ADCY6: variants seen among roughly 807,000 people sequenced by gnomAD.
ADCY6 encodes the protein adenylate cyclase type 6.
In ADCY6, 59 loss-of-function variants were observed where a neutral mutation model predicts 111.6. The observed-to-expected ratio is 0.53, with a 90% CI of 0.43 to 0.66. The LOEUF (loss-of-function observed/expected upper bound fraction) is 0.66. Among genes scored for constraint, ADCY6 ranks in the 30% least tolerant of loss-of-function variants. The pLI, the probability that ADCY6 is intolerant of heterozygous loss-of-function variation, is 0.00. For missense variants in ADCY6, 1,242 were observed against 1,595.6 expected, an observed-to-expected ratio of 0.78 and a Z score of 3.78; for synonymous variants, 576 against 642.9, an observed-to-expected ratio of 0.90 and a Z score of 1.57.
Position 48,782,907 on chromosome 12 carries a change from AGGGC to A in ADCY6, c.524_527del (p.Arg175LeufsTer36), listed in dbSNP as rs1186772196. 1 of 1,613,640 alleles carries A rather than the reference AGGGC, an allele frequency of 6.2e-7. No individual in the cohort carries two copies. Among genetic ancestry groups the A allele is most frequent in the Non-Finnish European group, 8.5e-7 (1 of 1,179,934 alleles). On this transcript the variant is annotated frameshift_variant, in exon 2 of 22. Coordinates refer to ENST00000357869, the MANE Select transcript of ADCY6 (RefSeq NM_015270.5). LOFTEE classifies it high-confidence loss of function. The surrounding 1 kb of genome is among the most constrained non-coding windows in gnomAD (Gnocchi z 4.3). ...CCAACAGTGCCACATAGGCAGGCTG[AGGGC>A]GGGCGGGTGCGGCGTGGAAAGCCAG...
rs188238180 is a variant in ADCY6, at chr12:48,777,280, A to T, written c.1249-49T>A. The T allele has an allele frequency of 3.4e-4, 538 of 1,595,668 alleles. 3 individuals are homozygous for T. In the African/African-American group the frequency reaches 6.4e-3, roughly 19 times the overall value. ...AAGGGTAACCTTTACTCTCTTGCCC[A>T]CCCAGCCTGCATGGCCCACCACCCT... On this transcript the variant is annotated intron_variant, in intron 5 of 21. Coordinates refer to ENST00000357869, the MANE Select transcript of ADCY6 (RefSeq NM_015270.5). The surrounding 1 kb of genome is among the most constrained non-coding windows in gnomAD (Gnocchi z 4.9).
intron 2 of ADCY6, among the ~76,000 whole-genome samples, chr12:48,778,867 AAC>A (rs1941773903): frequency 7.0e-6 from 1 of 142,128 alleles, no homozygotes; most frequent in Non-Finnish European, 1.5e-5. Flanking sequence ...TACACTGAAT[AAC>A]ACATTTTTTT....
intron 9 of ADCY6, 85 bp from the exon 10 acceptor site, chr12:48,775,783 C>G: frequency 6.5e-7 from 1 of 1,543,304 alleles, no homozygotes; most frequent in Non-Finnish European, 8.9e-7. Flanking sequence ...CAACACTGTG[C>G]TGAGGGTGTC....
In ADCY6 at chr12:48,770,918, C is replaced by T. The variant is rs1461200706; in HGVS notation, c.3104G>A (p.Ser1035Asn). Residue 1035 changes from serine to asparagine, a missense_variant, in exon 20 of 22, where the codon AGC becomes AAC. Transcript: ENST00000357869. ...CAGCCCTGAGGCAGCCATGTAGGTG[C>T]TACCAATCGTCTTGATCTTTTCCAG... ...RQLEKIKTIG[S>N]TYMAASGLNA... The T allele has an allele frequency of 1.9e-6, 3 of 1,614,102 alleles. No homozygotes were observed. The highest frequency in any genetic ancestry group is 2.5e-6 in the Non-Finnish European group (3 of 1,180,052).
At chr12:48,783,616 A>G in intron 1 of ADCY6, 178 bp from the exon 2 acceptor site, 6 of 1,398,154 alleles carry the variant, frequency 4.3e-6, no homozygotes, top group Non-Finnish European at 5.6e-6. Flanking sequence ...TCCCCAATCA[A>G]CAGGTGAGAA....
At position 48,776,323 on chromosome 12, in the gene ADCY6, C is replaced by T. The variant is rs1368648170; in HGVS notation, c.1563G>A (p.Leu521=). The change falls in exon 8 of 22, where the codon CTG becomes CTA. Residue 521 remains leucine, a synonymous_variant. Coordinates refer to ENST00000357869, the MANE Select transcript of ADCY6 (RefSeq NM_015270.5). This position sits in a 1 kb window ranked among gnomAD's most constrained non-coding sequence, Gnocchi z 6.1. ...AGRIHITRAT[L]QYLNGDYEVE... is the part of the protein sequence containing the mutation. The stretch of plus-strand genomic sequence containing the variant: ...CCTCGTAGTCCCCGTTCAGGTACTG[C>T]AGTGTTGCCCGAGTGATGTGGATGC... 6.2e-7 allele frequency: 1 copy of T among 1,614,116 alleles called. No homozygotes were observed. The highest frequency in any genetic ancestry group is 1.3e-5 in the African/African-American group (1 of 74,936).
rs114120444 is a variant in ADCY6 at position 48,776,024 on chromosome 12, G to T, written c.1745C>A (p.Pro582Gln). 6.2e-7 allele frequency: 1 copy of T among 1,612,842 alleles called. No homozygotes were observed. Among genetic ancestry groups the T allele is most frequent in the Non-Finnish European group, 8.5e-7 (1 of 1,179,462 alleles). Residue 582 changes from proline (P) to glutamine (Q), a missense_variant, in exon 9 of 22, where the codon CCG (proline) becomes CAG (glutamine). Physicochemically the swap from Pro to Gln is moderately conservative, Grantham distance 76. Transcript: ENST00000357869. The surrounding 1 kb of genome is among the most constrained non-coding windows in gnomAD (Gnocchi z 6.1). ...TRANSMEGLM[P>Q]RWVPDRAFSR... ...GAAGGCACGATCAGGAACCCAGCGCGGCATCAGCCCTTCCATGGAGTTGGC... is the reference window on the plus strand; with the variant it reads ...GAAGGCACGATCAGGAACCCAGCGCTGCATCAGCCCTTCCATGGAGTTGGC...
Position 48,777,138 on chromosome 12 carries a change from C to T in ADCY6, c.1342G>A (p.Val448Met). The change falls in exon 6 of 22, where the codon GTG becomes ATG. Residue 448 changes from valine to methionine, a missense_variant. This residue lies in a region of ADCY6 where 260 missense variants were observed against 414.6 expected (regional missense o/e 0.63). Coordinates refer to ENST00000357869, the MANE Select transcript of ADCY6 (RefSeq NM_015270.5). The surrounding 1 kb of genome is among the most constrained non-coding windows in gnomAD (Gnocchi z 4.9). ...EARADHAHCC[V>M]EMGVDMIEAI... ...TCAATCATGTCTACCCCCATCTCCA[C>T]ACAGCAGTGGGCATGGTCGGCCCGG... is the stretch of plus-strand genomic sequence containing the variant. 1 of 1,613,438 alleles carries T rather than the reference C, an allele frequency of 6.2e-7. No individual in the cohort carries two copies. Among genetic ancestry groups the T allele is most frequent in the Non-Finnish European group, 8.5e-7 (1 of 1,179,574 alleles).
chr12:48,770,985 G>A lies in ADCY6; in HGVS notation c.3052-15C>T. On this transcript the variant is annotated splice_polypyrimidine_tract_variant and intron_variant, in intron 19 of 21. Transcript: ENST00000357869. ...TCGCTGATAATCTGAACAACACAAGGAGACCTGGCTGTCAAGGCAAAGACC... is the reference window on the plus strand; with the variant it reads ...TCGCTGATAATCTGAACAACACAAGAAGACCTGGCTGTCAAGGCAAAGACC... The A allele has an allele frequency of 6.2e-7, 1 of 1,610,670 alleles. No individual in the cohort carries two copies. The highest frequency in any genetic ancestry group is 8.5e-7 in the Non-Finnish European group (1 of 1,177,468).
At position 48,768,339 on chromosome 12, in the gene ADCY6, A is replaced by C; in HGVS notation, c.*252T>G. The C allele has an allele frequency of 1.8e-6, 1 of 546,138 alleles. No individual in the cohort carries two copies. The allele number at this position is 546,138 out of a possible 1,614,324, so 33.8% of individuals were successfully genotyped here. A position where few individuals can be genotyped will look rare whatever the true frequency, so the allele number is the denominator to read the frequency against. On this transcript the variant is annotated 3_prime_UTR_variant, in exon 22 of 22. Coordinates refer to ENST00000357869, the MANE Select transcript of ADCY6 (RefSeq NM_015270.5). ...CCCTCCCCTGCTCCCAAAGGCTGGA[A>C]GATTGGAGAGGGAACAGCCCTACCC...
chr12:48,772,857 T>C (rs751313560), intron 16 of ADCY6, among the ~76,000 whole-genome samples: 1 of 152,320 alleles, frequency 6.6e-6, no homozygotes, highest in East Asian at 1.9e-4. Context: ...GCCTGCCATA[T>C]AGTCAGCCTT....
rs1400245889 is a variant in ADCY6, at chr12:48,771,745, G to T, written c.3016C>A (p.Arg1006=). The change falls in exon 19 of 22, where the codon CGG becomes AGG. Residue 1006 remains arginine, a synonymous_variant. Transcript: ENST00000357869. The surrounding 1 kb of genome is among the most constrained non-coding windows in gnomAD (Gnocchi z 4.3). The part of the protein sequence containing the change: ...EANNEGVECL[R]LLNEIIADFD... ...TCAGCGATGATCTCGTTGAGCAGCC[G>T]CAGGCACTCGACACCCTCATTGTTT... 3 of 1,614,116 alleles carry T rather than the reference G, an allele frequency of 1.9e-6. No individual in the cohort carries two copies. Among genetic ancestry groups the T allele is most frequent in the Non-Finnish European group, 2.5e-6 (3 of 1,180,038 alleles).
chr12:48,787,263 A>G (rs1406409499), intron 1 of ADCY6, among the ~76,000 whole-genome samples: 1 of 124,436 alleles, frequency 8.0e-6, no homozygotes, highest in African/African-American at 3.1e-5. Context: ...CACCCCCACC[A>G]GCACTGGCCC....
Position 48,771,581 on chromosome 12 carries a change from ACCCTTACCC to A in ADCY6, c.3051+120_3051+128del, listed in dbSNP as rs760355693. 2.7e-6 allele frequency: 4 copies of A among 1,462,988 alleles called. No individual in the cohort carries two copies. Among genetic ancestry groups the A allele is most frequent in the Non-Finnish European group, 1.9e-6 (2 of 1,058,314 alleles). 90.6% of individuals were successfully genotyped at this position (1,462,988 alleles called of 1,614,324 possible). A position where few individuals can be genotyped will look rare whatever the true frequency, so the allele number is the denominator to read the frequency against. The stretch of plus-strand genomic sequence containing the variant: ...TCTTGCCTCTGCCTCCACTGTGCAT[ACCCTTACCC>A]CTGATGACTCTGGGTCCCATCAAAT... On this transcript the variant is annotated intron_variant, in intron 19 of 21. Coordinates refer to ENST00000357869, the MANE Select transcript of ADCY6 (RefSeq NM_015270.5). The surrounding 1 kb of genome is among the most constrained non-coding windows in gnomAD (Gnocchi z 4.3).
intron 1 of ADCY6, among the ~76,000 whole-genome samples, chr12:48,788,431 G>A (rs915994253): frequency 1.3e-5 from 2 of 152,152 alleles, no homozygotes; most frequent in African/African-American, 4.8e-5. Flanking sequence ...GGGGGATGTG[G>A]GGAGCCGACC....
chr12:48,768,699 G>A lies in ADCY6; in HGVS notation c.3399C>T (p.Tyr1133=), dbSNP rs755524182. ...GGTAGCCCTTGGCAGCTAGAACCTG[G>A]TACAGGTCCGTGGTCACCTGGGGGA... ...PDRIQVTTDL[Y]QVLAAKGYQL... Residue 1133 remains tyrosine (Y), a synonymous_variant, in exon 22 of 22, where the codon TAC becomes TAT. Transcript: ENST00000357869. The A allele has an allele frequency of 1.1e-5, 17 of 1,614,006 alleles. No individual in the cohort carries two copies. The East Asian group carries it at 2.2e-4, about 21-fold the overall frequency.
chr12:48,772,208 T>C, intron 18 of ADCY6, 87 bp downstream of exon 18: 5 of 1,520,640 alleles, frequency 3.3e-6, no homozygotes, highest in Admixed American at 4.2e-5. Flanking sequence ...GCCTGAGCCT[T>C]AGCCAGCTAG....
At position 48,772,457 on chromosome 12, in the gene ADCY6, A is replaced by C. The variant is rs1323189419; in HGVS notation, c.2658-33T>G. 5.6e-6 allele frequency: 9 copies of C among 1,614,166 alleles called. 1 individual carries two copies. The South Asian group carries it at 8.8e-5, about 16-fold the overall frequency. On this transcript the variant is annotated intron_variant, in intron 17 of 21. Transcript: ENST00000357869. ...TAAGCAGAGACATGCTTGGTGTCTG[A>C]AGGAGGCATCTAATGGCTCTACCCT...
intron 21 of ADCY6, 109 bp from the exon 22 acceptor site, chr12:48,768,825 C>T (rs1941444412): frequency 6.4e-7 from 1 of 1,550,678 alleles, no homozygotes; most frequent in African/African-American, 1.4e-5. Flanking sequence ...GTCCCTGCCC[C>T]ACCATACACA....
Sources: allele counts gnomAD v4.1 joint callset (sites outside exome capture counted in the v4.1 genomes callset), GRCh38; gene constraint gnomAD v4.1.1; regional missense constraint gnomAD v4.1.1; non-coding constraint Gnocchi (gnomAD v3.1); transcripts MANE v1.5; gene names NCBI Gene and HGNC (gene_info 2026-07-23, HGNC 2026-07-21).